Variants in NRP1 observed in about 807,000 individuals in gnomAD.
NRP1 encodes the protein neuropilin 1.
NRP1 carries 35 observed loss-of-function variants against 106.7 expected under a neutral mutation model. The ratio of observed to expected loss-of-function variants is 0.33; its 90% confidence interval spans 0.25 to 0.43. The LOEUF is 0.43. Among genes scored for constraint, NRP1 ranks in the 20% least tolerant of loss-of-function variants. The probability of loss-of-function intolerance (pLI) is 1.00; values close to 1 mark genes in which losing one functional copy is unlikely to be tolerated. For synonymous variants in NRP1, 437 were observed against 417.9 expected (o/e 1.05, Z -0.56); for missense variants, 1,024 against 1,170.4 (o/e 0.87, Z 1.83).
chr10:33,330,613 T>C, intron 2 of NRP1, 95 bp downstream of exon 2: 1 of 1,033,564 alleles, frequency 9.7e-7, no homozygotes, highest in Non-Finnish European at 1.3e-6. Context: ...TGGATCCATT[T>C]ATAATCTACA....
rs1848243379 is a variant in NRP1, at chr10:33,330,960, T to C, written c.74-78A>G. 4 of 1,268,742 alleles carry C rather than the reference T, an allele frequency of 3.2e-6. No homozygotes were observed. In the South Asian group the frequency reaches 4.5e-5, roughly 14 times the overall value. The allele number at this position is 1,268,742 out of a possible 1,614,324, so 78.6% of individuals were successfully genotyped here. On this transcript the variant is annotated intron_variant, in intron 1 of 16. Transcript: ENST00000374867. ...TCTAGCTTTATATGTAAATTACTGG[T>C]TATTAAACATTCCTTAACTTTTTAA...
chr10:33,228,615 G>A (rs1839866269), intron 6 of NRP1, among the ~76,000 whole-genome samples: 2 of 152,164 alleles, frequency 1.3e-5, no homozygotes, highest in Admixed American at 1.3e-4. Flanking sequence ...GGCGCTTGGA[G>A]TAGTTAAATC....
At chr10:33,204,142 G>A (rs10827211) in intron 10 of NRP1, among the ~76,000 whole-genome samples, 39,214 of 151,808 alleles carry the variant, frequency 0.26, 5,670 homozygotes, top group East Asian at 0.6. Flanking sequence ...GATAGTTCTC[G>A]TGATGGCTGA....
In NRP1 at chr10:33,275,020, T is replaced by C. The variant is rs149633909; in HGVS notation, c.249-4164A>G. On this transcript the variant is annotated intron_variant, in intron 2 of 16. Coordinates refer to ENST00000374867, the MANE Select transcript of NRP1 (RefSeq NM_003873.7). ...TATCCCACAAAAGAGAACAGATTTT[T>C]CTTCCAGAGTATTAGAAACAGGATT... Among the ~76,000 whole-genome samples the C allele has an allele frequency of 4.7e-3, 722 of 152,338 alleles. 3 individuals are homozygous for C. The highest frequency in any genetic ancestry group is 0.016 in the African/African-American group (650 of 41,578).
At chr10:33,334,223 C>T in intron 1 of NRP1, 87 bp downstream of exon 1, 1 of 1,261,110 alleles carries the variant, frequency 7.9e-7, no homozygotes, top group Non-Finnish European at 1.1e-6. Context: ...CCGGCTGATC[C>T]CGGGAAGCCC....
intron 12 of NRP1, among the ~76,000 whole-genome samples, chr10:33,196,485 A>C (rs1233159346): frequency 6.6e-6 from 1 of 152,186 alleles, no homozygotes; most frequent in African/African-American, 2.4e-5. Flanking sequence ...AGATACCTTC[A>C]GCTATGGGAG....
chr10:33,288,095 T>C (rs1410388383), intron 2 of NRP1, among the ~76,000 whole-genome samples: 2 of 152,124 alleles, frequency 1.3e-5, no homozygotes, highest in Non-Finnish European at 2.9e-5. Context: ...ATAAAATATA[T>C]ATCCTAGTAG....
chr10:33,256,194 A>T, intron 5 of NRP1, 122 bp downstream of exon 5: 1 of 912,574 alleles, frequency 1.1e-6, no homozygotes, highest in Non-Finnish European at 1.7e-6. Context: ...GAAGAGAAAA[A>T]CAGACAGCTG....
chr10:33,326,821 G>A (rs1008105224), intron 2 of NRP1, among the ~76,000 whole-genome samples: 26 of 152,132 alleles, frequency 1.7e-4, no homozygotes, highest in African/African-American at 5.6e-4. Flanking sequence ...ATTTTGCAAA[G>A]TATGATCCAG....
chr10:33,203,140 T>TTACTTATATTTCAGG, intron 10 of NRP1, 145 bp from the exon 11 acceptor site: 1 of 733,896 alleles, frequency 1.4e-6, no homozygotes, highest in South Asian at 1.9e-5. Context: ...TTTCAGGAGC[T>TTACTTATATTTCAGG]AGATATACTT....
At chr10:33,330,675 T>A (rs1277899209) in intron 2 of NRP1, 33 bp downstream of exon 2, 2 of 1,578,356 alleles carry the variant, frequency 1.3e-6, no homozygotes, top group African/African-American at 2.7e-5. Context: ...TAGATGGTGC[T>A]GTGGTGCCCT....
At chr10:33,248,505 A>C (rs1266949394) in intron 6 of NRP1, among the ~76,000 whole-genome samples, 1 of 152,188 alleles carries the variant, frequency 6.6e-6, no homozygotes, top group Non-Finnish European at 1.5e-5. Flanking sequence ...TTTCAATTCC[A>C]TTCAGCCCAT....
At chr10:33,192,181 C>G in intron 13 of NRP1, 100 bp downstream of exon 13, 1 of 1,296,336 alleles carries the variant, frequency 7.7e-7, no homozygotes, top group Non-Finnish European at 1.1e-6. Flanking sequence ...TAATTCCTAC[C>G]CGCCCTAAAT....
chr10:33,199,901 T>C (rs934033996), intron 11 of NRP1, among the ~76,000 whole-genome samples: 2 of 152,150 alleles, frequency 1.3e-5, no homozygotes, highest in Non-Finnish European at 2.9e-5. Context: ...ATCCATAGCA[T>C]GAATCAGAGG....
At chr10:33,243,102 G>A (rs561792762) in intron 6 of NRP1, among the ~76,000 whole-genome samples, 4 of 152,188 alleles carry the variant, frequency 2.6e-5, no homozygotes, top group African/African-American at 7.2e-5. Context: ...ATCTCCCCCT[G>A]TGGGCTGCAC....
At chr10:33,302,063 C>G (rs1003615458) in intron 2 of NRP1, among the ~76,000 whole-genome samples, 3 of 152,082 alleles carry the variant, frequency 2.0e-5, no homozygotes, top group Non-Finnish European at 2.9e-5. Flanking sequence ...TCCAAATAGA[C>G]TACTTAGTAC....
chr10:33,324,844 G>C (rs1206302716), intron 2 of NRP1, among the ~76,000 whole-genome samples: 3 of 152,102 alleles, frequency 2.0e-5, no homozygotes, highest in Admixed American at 1.3e-4. Context: ...CACCATGTTG[G>C]CCAGGCTGGT....
At chr10:33,186,171 C>T in intron 14 of NRP1, 46 bp downstream of exon 14, 1 of 1,533,122 alleles carries the variant, frequency 6.5e-7, no homozygotes. Flanking sequence ...ATCATCTCAG[C>T]ATTCCTGCAG....
In NRP1 at chr10:33,273,762, G is replaced by C. The variant is rs191289602; in HGVS notation, c.249-2906C>G. The stretch of plus-strand genomic sequence containing the variant: ...TTTAATTCATAAAAGCTAGAGGAGG[G>C]GTCAGAGAGTTGACCCCTCTGTCTG... On this transcript the variant is annotated intron_variant, in intron 2 of 16. Coordinates refer to ENST00000374867, the MANE Select transcript of NRP1 (RefSeq NM_003873.7). Among the ~76,000 whole-genome samples the C allele has an allele frequency of 4.7e-3, 706 of 151,604 alleles. 6 individuals are homozygous for C. The highest frequency in any genetic ancestry group is 0.017 in the African/African-American group (683 of 41,326).
Sources: gnomAD v4.1 joint callset for allele counts (sites outside exome capture counted in the v4.1 genomes callset) on GRCh38, gnomAD v4.1.1 for gene constraint, MANE v1.5 for transcripts, NCBI Gene and HGNC (gene_info 2026-07-23, HGNC 2026-07-21) for gene names.